The following ELP4 variants were observed in gnomAD, a reference collection of about 807,000 sequenced individuals.
ELP4 encodes the protein elongator complex protein 4.
A neutral mutation model predicts 48.9 loss-of-function variants in ELP4; 51 were observed. The ratio of observed to expected loss-of-function variants is 1.04; its 90% CI spans 0.83 to 1.32. ELP4 has a LOEUF of 1.32. Ranked by LOEUF, ELP4 falls within the 40% of genes most tolerant of loss-of-function variation. ELP4 has a pLI of 0.00. For missense variants in ELP4, 519 were observed against 514.6 expected, an observed-to-expected ratio of 1.01 and a Z score of -0.08; for synonymous variants, 210 against 189.2, an observed-to-expected ratio of 1.11 and a Z score of -0.90.
intron 9 of ELP4, among the ~76,000 whole-genome samples, chr11:31,689,711 T>G (rs1478208618): frequency 1.3e-5 from 2 of 152,202 alleles, no homozygotes; most frequent in African/African-American, 2.4e-5. Context: ...AGAATGAGGC[T>G]CTGTAGTTCA....
chr11:31,679,774 CT>C (rs754803458), intron 9 of ELP4, among the ~76,000 whole-genome samples: 7 of 152,154 alleles, frequency 4.6e-5, no homozygotes, highest in Non-Finnish European at 8.8e-5. Flanking sequence ...GGTCTTTTGC[CT>C]TTCCATATAA....
At chr11:31,539,827 G>A (rs765761338) in intron 3 of ELP4, 44 bp downstream of exon 3, 10 of 1,512,524 alleles carry the variant, frequency 6.6e-6, no homozygotes, top group Non-Finnish European at 8.9e-6. Context: ...AATGTTTCAT[G>A]AAAAAATATT....
Position 31,603,807 on chromosome 11 carries a change from G to T in ELP4, c.553G>T (p.Asp185Tyr), listed in dbSNP as rs1367511544. 6.2e-7 allele frequency: 1 copy of T among 1,611,036 alleles called. No homozygotes were observed. Among genetic ancestry groups the T allele is most frequent in the Non-Finnish European group, 8.5e-7 (1 of 1,178,040 alleles). ...ATCTTCAAGATTTGGTCACTATTAT[G>T]ATGCATCAAAAAGAATGCCACAAGA... ...VSSSRFGHYY[D>Y]ASKRMPQELI... The change falls in exon 5 of 10, where the codon GAT (aspartate) becomes TAT (tyrosine). Residue 185 changes from aspartate (D) to tyrosine (Y), a missense_variant. Asp to Tyr is a radical substitution (Grantham distance 160). Transcript: ENST00000640961.
intron 3 of ELP4, among the ~76,000 whole-genome samples, chr11:31,555,331 T>C (rs186375299): frequency 3.9e-5 from 6 of 152,246 alleles, no homozygotes; most frequent in East Asian, 3.9e-4. Context: ...ATTTTGATTA[T>C]GTTTTCATAT....
intron 9 of ELP4, among the ~76,000 whole-genome samples, chr11:31,749,429 C>T (rs1188982882): frequency 6.6e-6 from 1 of 152,148 alleles, no homozygotes; most frequent in Non-Finnish European, 1.5e-5. Context: ...ATATATGGCC[C>T]TATACAGTCA....
intron 3 of ELP4, among the ~76,000 whole-genome samples, chr11:31,549,305 C>A (rs1320278560): frequency 2.0e-5 from 3 of 151,924 alleles, no homozygotes; most frequent in African/African-American, 7.3e-5. Context: ...AAACAAATAA[C>A]CCCATCAATA....
At position 31,645,091 on chromosome 11, in the gene ELP4, TATG is replaced by T. The variant is rs1945174541; in HGVS notation, c.928-2645_928-2643del. On this transcript the variant is annotated intron_variant, in intron 7 of 9. Coordinates refer to ENST00000640961, the MANE Select transcript of ELP4 (RefSeq NM_019040.5). ...TATATAACTAATTTTATGGTAATAG[TATG>T]ATGAAAAATTATTCTTGTACTAATA... 2.6e-5 allele frequency among the ~76,000 whole-genome samples: 4 copies of T among 151,852 alleles called. No individual in the cohort carries two copies. In the South Asian group the frequency reaches 8.3e-4, roughly 31 times the overall value.
intron 2 of ELP4, among the ~76,000 whole-genome samples, chr11:31,537,186 T>C (rs1243404875): frequency 6.6e-6 from 1 of 152,210 alleles, no homozygotes; most frequent in East Asian, 1.9e-4. Flanking sequence ...TGCTGTTTTT[T>C]GATTGAGTGT....
At chr11:31,560,729 A>AAACAACGTTGTTTTATATATATATAT (rs1565053741) in intron 3 of ELP4, among the ~76,000 whole-genome samples, 4 of 149,536 alleles carry the variant, frequency 2.7e-5, no homozygotes, top group African/African-American at 9.8e-5. Context: ...TATATATATA[A>AAACAACGTTGTTTTATATATATATAT]AACAACATTG....
chr11:31,683,789 A>G (rs191895860), intron 9 of ELP4, among the ~76,000 whole-genome samples: 42 of 152,240 alleles, frequency 2.8e-4, no homozygotes, highest in African/African-American at 9.1e-4. Flanking sequence ...GATAAATTCA[A>G]TTAGCTAGAT....
At chr11:31,663,927 CCA>C (rs1420391136) in intron 9 of ELP4, 1 of 151,950 alleles carries the variant, frequency 6.6e-6, no homozygotes, top group Non-Finnish European at 1.5e-5. Flanking sequence ...TATATAAACA[CCA>C]GTGTCCTTAC....
At chr11:31,594,717 A>T (rs1957643521) in intron 3 of ELP4, 53 bp from the exon 4 acceptor site, 3 of 1,349,336 alleles carry the variant, frequency 2.2e-6, no homozygotes, top group Non-Finnish European at 2.9e-6. Context: ...GGTTTAAGAA[A>T]ATTGTCATAT....
chr11:31,678,936 T>A (rs1232790912), intron 9 of ELP4, among the ~76,000 whole-genome samples: 1 of 152,190 alleles, frequency 6.6e-6, no homozygotes, highest in Non-Finnish European at 1.5e-5. Flanking sequence ...TCAGTGTTTT[T>A]GGATTTTAGC....
At chr11:31,783,074 G>C (rs1948416544) in intron 9 of ELP4, among the ~76,000 whole-genome samples, 1 of 152,204 alleles carries the variant, frequency 6.6e-6, no homozygotes, top group Non-Finnish European at 1.5e-5. Context: ...CAACGTTGCT[G>C]TTATTTATGT....
At chr11:31,702,158 G>C (rs1333807379) in intron 9 of ELP4, among the ~76,000 whole-genome samples, 1 of 151,936 alleles carries the variant, frequency 6.6e-6, no homozygotes, top group East Asian at 1.9e-4. Flanking sequence ...AATTAGACTT[G>C]AGCCAGGCAT....
intron 3 of ELP4, among the ~76,000 whole-genome samples, chr11:31,542,507 C>A (rs900711846): frequency 6.6e-6 from 1 of 152,224 alleles, no homozygotes; most frequent in Non-Finnish European, 1.5e-5. Context: ...CCTGCTCCCA[C>A]ATGCCAGAGT....
Position 31,783,418 on chromosome 11 carries a change from C to A in ELP4, c.1169C>A (p.Ser390Ter). 1.9e-6 allele frequency: 3 copies of A among 1,613,980 alleles called. No homozygotes were observed. Among genetic ancestry groups the A allele is most frequent in the South Asian group, 2.2e-5 (2 of 91,058 alleles). ...IERLHLPPDL[S>*]DTVSRSSKMD... ...CGACTGCATTTGCCTCCAGACTTGT[C>A]AGACACAGTGAGCCGCTCAAGCAAA... is the stretch of plus-strand genomic sequence containing the variant. The change falls in exon 10 of 10, where the codon TCA becomes TAA. Residue 390 changes from serine to a stop codon, truncating the protein, a stop_gained. Coordinates refer to ENST00000640961, the MANE Select transcript of ELP4 (RefSeq NM_019040.5). LOFTEE classifies it high-confidence loss of function.
intron 5 of ELP4, among the ~76,000 whole-genome samples, chr11:31,614,520 G>A (rs1427491576): frequency 6.6e-6 from 1 of 152,140 alleles, no homozygotes; most frequent in Non-Finnish European, 1.5e-5. Flanking sequence ...TAAATTGAAA[G>A]TTTTTTGAGG....
chr11:31,783,342 T>C (rs773653666), intron 9 of ELP4, 51 bp from the exon 10 acceptor site: 3 of 1,563,668 alleles, frequency 1.9e-6, no homozygotes, highest in South Asian at 1.1e-5. Flanking sequence ...GCAAAATTAA[T>C]TTTTTTTCTT....
Sources: allele counts gnomAD v4.1 joint callset (sites outside exome capture counted in the v4.1 genomes callset), GRCh38; gene constraint gnomAD v4.1.1; transcripts MANE v1.5; gene names NCBI Gene and HGNC (gene_info 2026-07-23, HGNC 2026-07-21).